The following CENPP variants were observed in gnomAD, a reference collection of about 807,000 sequenced individuals.
CENPP encodes the protein centromere protein P.
CENPP carries 24 observed loss-of-function variants against 35.6 expected under a neutral mutation model. That is an observed-to-expected ratio of 0.67 (90% CI 0.49 to 0.95). The LOEUF is 0.95. Ranked by LOEUF, CENPP falls within the 40% of genes least tolerant of loss-of-function variation. The pLI is 0.00. For missense variants in CENPP, 332 were observed against 345.3 expected (o/e 0.96, Z 0.31); for synonymous variants, 120 against 125.5 (o/e 0.96, Z 0.29).
rs911354650 is a variant in CENPP at position 92,476,721 on chromosome 9, G to A, written c.564+96862G>A. 6.6e-6 allele frequency among the ~76,000 whole-genome samples: 1 copy of A among 152,174 alleles called. No homozygotes were observed. Among genetic ancestry groups the A allele is most frequent in the African/African-American group, 2.4e-5 (1 of 41,440 alleles). On this transcript the variant is annotated intron_variant, in intron 5 of 7. Transcript: ENST00000375587. The surrounding 1 kb of genome is among the most constrained non-coding windows in gnomAD (Gnocchi z 4.1). ...ACTACTTTGTGGAGGTGTTAATTCA[G>A]ATGTTATTCTAGACTCATCCCTCAT...
chr9:92,345,058 T>C (rs1478126855), intron 3 of CENPP, among the ~76,000 whole-genome samples: 4 of 150,936 alleles, frequency 2.7e-5, no homozygotes, highest in African/African-American at 4.9e-5. Flanking sequence ...GAGACCATTC[T>C]GGCTAACACG....
At chr9:92,350,255 G>C (rs1841409127) in intron 4 of CENPP, among the ~76,000 whole-genome samples, 1 of 152,152 alleles carries the variant, frequency 6.6e-6, no homozygotes, top group Non-Finnish European at 1.5e-5. Context: ...TTTTATGAAA[G>C]AAATCCATGA....
At chr9:92,548,857 T>G (rs1362678352) in intron 5 of CENPP, among the ~76,000 whole-genome samples, 2 of 150,438 alleles carry the variant, frequency 1.3e-5, no homozygotes, top group Admixed American at 6.6e-5. Flanking sequence ...CAGTTCACTT[T>G]TGTGTGTGTG....
chr9:92,326,162 G>C (rs1443241116), intron 1 of CENPP, 57 bp downstream of exon 1: 2 of 1,170,852 alleles, frequency 1.7e-6, no homozygotes, highest in Non-Finnish European at 2.4e-6. Context: ...CGGGCCAGGC[G>C]GGTGAATCTC....
chr9:92,545,955 T>C (rs556353971), intron 5 of CENPP, among the ~76,000 whole-genome samples: 2 of 152,256 alleles, frequency 1.3e-5, no homozygotes, highest in East Asian at 3.9e-4. Flanking sequence ...CAGCACTCTG[T>C]CTAGCTCAGG....
chr9:92,464,540 G>A lies in CENPP; in HGVS notation c.564+84681G>A, dbSNP rs144288385. Among the ~76,000 whole-genome samples, 602 of 152,314 alleles carry A rather than the reference G, an allele frequency of 4.0e-3. 7 individuals are homozygous for A. The highest frequency in any genetic ancestry group is 0.014 in the African/African-American group (578 of 41,574). On this transcript the variant is annotated intron_variant, in intron 5 of 7. Transcript: ENST00000375587. ...GCTCATAGGCTTCACCTCAAACTGT[G>A]GCTAAATGCCTGGGGACAGGGTCTC...
chr9:92,565,293 T>TAAAAAAA lies in CENPP; in HGVS notation c.565-45997_565-45991dup, dbSNP rs3078380. Among the ~76,000 whole-genome samples the TAAAAAAA allele has an allele frequency of 2.4e-3, 78 of 33,136 alleles. 7 individuals are homozygous for TAAAAAAA. The highest frequency in any genetic ancestry group is 9.2e-3 in the South Asian group (4 of 436). 21.7% of individuals were successfully genotyped at this position (33,136 alleles called of 152,430 possible). A position where few individuals can be genotyped will look rare whatever the true frequency, so the allele number is the denominator to read the frequency against. On this transcript the variant is annotated intron_variant, in intron 5 of 7. Coordinates refer to ENST00000375587, the MANE Select transcript of CENPP (RefSeq NM_001012267.3). ...ACTAACACTATGATAGCTGATGAGCTAAAAAAAAAAAAAAAAAAAAAAAAA... is the reference window on the plus strand; with the variant it reads ...ACTAACACTATGATAGCTGATGAGCTAAAAAAAAAAAAAAAAAAAAAAAAAAAAAAAA...
At chr9:92,391,416 A>AT (rs1842680642) in intron 5 of CENPP, among the ~76,000 whole-genome samples, 1 of 151,866 alleles carries the variant, frequency 6.6e-6, no homozygotes, top group Non-Finnish European at 1.5e-5. Flanking sequence ...CAAAAAATAA[A>AT]TAAATTAAAT....
In CENPP at chr9:92,368,833, G is replaced by A. The variant is rs139201938; in HGVS notation, c.468-10930G>A. On this transcript the variant is annotated intron_variant, in intron 4 of 7. Transcript: ENST00000375587. ...ATGGGAGGATCGCTTGAGCCCAGGA[G>A]TTCATGACCAGTGTTGGCAACATAG... is the stretch of plus-strand genomic sequence containing the variant. Among the ~76,000 whole-genome samples the A allele has an allele frequency of 9.8e-3, 1,489 of 152,244 alleles. 13 individuals carry two copies. The highest frequency in any genetic ancestry group is 0.017 in the Non-Finnish European group (1,130 of 68,022).
intron 4 of CENPP, among the ~76,000 whole-genome samples, chr9:92,373,010 A>G (rs1230472106): frequency 2.6e-5 from 4 of 152,106 alleles, no homozygotes; most frequent in Non-Finnish European, 5.9e-5. Context: ...GGAAGTTTTC[A>G]TCTGTTATTT....
At chr9:92,440,798 C>T (rs895810356) in intron 5 of CENPP, among the ~76,000 whole-genome samples, 1 of 152,166 alleles carries the variant, frequency 6.6e-6, no homozygotes, top group African/African-American at 2.4e-5. Flanking sequence ...AGGTTTTGTA[C>T]TTGCTGTGGT....
chr9:92,614,509 G>GAATT lies in CENPP; in HGVS notation c.*1362_*1365dup, dbSNP rs1851370930. 2 of 152,626 alleles carry GAATT rather than the reference G, an allele frequency of 1.3e-5. No individual in the cohort carries two copies. The highest frequency in any genetic ancestry group is 4.1e-4 in the South Asian group (2 of 4,834). The allele number at this position is 152,626 out of a possible 1,614,324, so 9.5% of individuals were successfully genotyped here. ...GTATCTTTTTGCACCTCTGAGAGTA[G>GAATT]AATTAGAAGTAAATATGACAGAATT... On this transcript the variant is annotated 3_prime_UTR_variant, in exon 8 of 8. Coordinates refer to ENST00000375587, the MANE Select transcript of CENPP (RefSeq NM_001012267.3).
chr9:92,483,684 G>GT (rs555043334), intron 5 of CENPP, among the ~76,000 whole-genome samples: 1 of 152,200 alleles, frequency 6.6e-6, no homozygotes, highest in African/African-American at 2.4e-5. Context: ...TCTGACCATC[G>GT]TTTGTTCCCT....
chr9:92,406,760 T>C (rs1843319233), intron 5 of CENPP, among the ~76,000 whole-genome samples: 1 of 152,126 alleles, frequency 6.6e-6, no homozygotes, highest in Admixed American at 6.6e-5. Flanking sequence ...TTGCTAGCTG[T>C]TGACTGACGG....
At chr9:92,576,136 G>T (rs887055257) in intron 5 of CENPP, among the ~76,000 whole-genome samples, 3 of 152,156 alleles carry the variant, frequency 2.0e-5, no homozygotes, top group Non-Finnish European at 4.4e-5. Flanking sequence ...ATAAACAAAT[G>T]CAGTCTGTCC....
In CENPP at chr9:92,593,043, G is replaced by A. The variant is rs898082000; in HGVS notation, c.565-18271G>A. Among the ~76,000 whole-genome samples, 2 of 152,228 alleles carry A rather than the reference G, an allele frequency of 1.3e-5. No individual in the cohort carries two copies. Among genetic ancestry groups the A allele is most frequent in the African/African-American group, 2.4e-5 (1 of 41,450 alleles). ...TGGAGTAGCTCAGACAACCAGAGCTGCTGGCCCCAGGGCTGGAGGCTTCTC... is the reference window on the plus strand; with the variant it reads ...TGGAGTAGCTCAGACAACCAGAGCTACTGGCCCCAGGGCTGGAGGCTTCTC... On this transcript the variant is annotated intron_variant, in intron 5 of 7. Coordinates refer to ENST00000375587, the MANE Select transcript of CENPP (RefSeq NM_001012267.3). This position sits in a 1 kb window ranked among gnomAD's most constrained non-coding sequence, Gnocchi z 4.1.
rs559223233 is a variant in CENPP at position 92,457,129 on chromosome 9, C to T, written c.564+77270C>T. 4.2e-5 allele frequency: 59 copies of T among 1,403,104 alleles called. No homozygotes were observed. In the African/African-American group the frequency reaches 5.5e-4, roughly 13 times the overall value. The allele number at this position is 1,403,104 out of a possible 1,614,324, so 86.9% of individuals were successfully genotyped here. On this transcript the variant is annotated intron_variant, in intron 5 of 7. Transcript: ENST00000375587. ...ATGTATCAATAGTTTGGCAAAATTC[C>T]GTTGAAATTTCTTGTCATAAAATAA...
At chr9:92,534,168 GTGTC>G (rs747176214) in intron 5 of CENPP, among the ~76,000 whole-genome samples, 22 of 152,094 alleles carry the variant, frequency 1.4e-4, no homozygotes, top group Non-Finnish European at 2.1e-4. Flanking sequence ...ACTCCTCAGA[GTGTC>G]TGTCCCACCA....
At chr9:92,465,012 G>A (rs1205622251) in intron 5 of CENPP, 3 of 1,612,786 alleles carry the variant, frequency 1.9e-6, no homozygotes, top group African/African-American at 1.3e-5. Context: ...TTATTATCAA[G>A]AGGGTTTGCA....
Sources: gnomAD v4.1 joint callset for allele counts (sites outside exome capture counted in the v4.1 genomes callset) on GRCh38, gnomAD v4.1.1 for gene constraint, Gnocchi (gnomAD v3.1) non-coding constraint, MANE v1.5 for transcripts, NCBI Gene and HGNC (gene_info 2026-07-23, HGNC 2026-07-21) for gene names.